SPRED2: variants seen among roughly 807,000 people sequenced by gnomAD.
SPRED2 encodes the protein sprouty related EVH1 domain containing 2, also known as sprouty-related, EVH1 domain-containing protein 2.
SPRED2 carries 47 observed loss-of-function variants against 43.0 expected under a neutral mutation model. That is an observed-to-expected ratio of 1.09 (90% CI 0.87 to 1.40). The LOEUF is 1.40. Ranked by LOEUF, SPRED2 falls within the 40% of genes most tolerant of loss-of-function variation. The pLI is 0.00. For missense variants in SPRED2, 561 were observed against 586.4 expected, an observed-to-expected ratio of 0.96 and a Z score of 0.45; for synonymous variants, 225 against 225.7, an observed-to-expected ratio of 1.00 and a Z score of 0.03.
intron 1 of SPRED2, among the ~76,000 whole-genome samples, chr2:65,396,599 T>A (rs923579506): frequency 6.6e-6 from 1 of 152,230 alleles, no homozygotes; most frequent in Non-Finnish European, 1.5e-5. Context: ...GAACCAGCAC[T>A]GTAGTATAAC....
At chr2:65,389,626 A>G (rs565360468) in intron 1 of SPRED2, among the ~76,000 whole-genome samples, 2 of 152,240 alleles carry the variant, frequency 1.3e-5, no homozygotes, top group Non-Finnish European at 2.9e-5. Flanking sequence ...CTACCTCATG[A>G]GTGAGGAATG....
intron 2 of SPRED2, among the ~76,000 whole-genome samples, chr2:65,335,821 A>T (rs1226724740): frequency 6.6e-6 from 1 of 152,210 alleles, no homozygotes; most frequent in Non-Finnish European, 1.5e-5. Flanking sequence ...TTCATTCTTT[A>T]TTCATTAAAA....
At position 65,322,295 on chromosome 2, in the gene SPRED2, T is replaced by TC. The variant is rs1491266235; in HGVS notation, c.439-5413_439-5412insG. Among the ~76,000 whole-genome samples the TC allele has an allele frequency of 9.8e-4, 44 of 44,986 alleles. 2 individuals are homozygous for TC. Among genetic ancestry groups the TC allele is most frequent in the African/African-American group, 5.0e-3 (43 of 8,676 alleles). The allele number at this position is 44,986 out of a possible 152,430, so 29.5% of individuals were successfully genotyped here. ...CTATATATATATATATATATATATA[T>TC]TTTTTTTTTTTTTTTTGAGACGGAG... On this transcript the variant is annotated intron_variant, in intron 4 of 5. Coordinates refer to ENST00000356388, the MANE Select transcript of SPRED2 (RefSeq NM_181784.3).
intron 1 of SPRED2, among the ~76,000 whole-genome samples, chr2:65,364,824 A>T (rs575230262): frequency 6.6e-6 from 1 of 152,332 alleles, no homozygotes; most frequent in Non-Finnish European, 1.5e-5. Context: ...ACAGGAAATT[A>T]GTTATTCTGT....
chr2:65,424,683 G>A (rs763384493), intron 1 of SPRED2, among the ~76,000 whole-genome samples: 5 of 152,090 alleles, frequency 3.3e-5, no homozygotes, highest in Admixed American at 6.6e-5. Flanking sequence ...GGTGCAGGTG[G>A]CTCATGCCTA....
intron 1 of SPRED2, among the ~76,000 whole-genome samples, chr2:65,369,989 T>G (rs1675085813): frequency 6.6e-6 from 1 of 152,228 alleles, no homozygotes; most frequent in Non-Finnish European, 1.5e-5. Flanking sequence ...CAGCAAAACT[T>G]TAGCTATATA....
chr2:65,364,519 C>T (rs1674917853), intron 1 of SPRED2, among the ~76,000 whole-genome samples: 1 of 152,228 alleles, frequency 6.6e-6, no homozygotes, highest in Non-Finnish European at 1.5e-5. Context: ...GCAAAGGGGC[C>T]TCTGAGGCGT....
intron 1 of SPRED2, among the ~76,000 whole-genome samples, chr2:65,361,143 T>C (rs918560677): frequency 1.3e-5 from 2 of 152,240 alleles, no homozygotes; most frequent in African/African-American, 4.8e-5. Flanking sequence ...GTCCCCATTA[T>C]GCAAACTACA....
At chr2:65,324,070 G>A (rs1019130124) in intron 4 of SPRED2, among the ~76,000 whole-genome samples, 67 of 151,590 alleles carry the variant, frequency 4.4e-4, no homozygotes, top group African/African-American at 1.5e-3. Context: ...TCCCAGAGGG[G>A]TGTGTCTGAG....
At chr2:65,310,786 C>T (rs541937452), downstream of SPRED2, 26 of 852,608 alleles carry the variant, frequency 3.0e-5, no homozygotes, top group Middle Eastern at 6.0e-4. Flanking sequence ...TGCGGGAACT[C>T]CAAGATCTGC....
intron 1 of SPRED2, among the ~76,000 whole-genome samples, chr2:65,352,426 C>T (rs1488521853): frequency 6.6e-6 from 1 of 152,198 alleles, no homozygotes; most frequent in African/African-American, 2.4e-5. Flanking sequence ...AGTAAAAGAA[C>T]CCGTGTACTT....
At chr2:65,309,505 CAAA>C (rs35507211), downstream of SPRED2, among the ~76,000 whole-genome samples, 4 of 59,992 alleles carry the variant, frequency 6.7e-5, no homozygotes, top group African/African-American at 2.1e-4. Flanking sequence ...GACCCTGTCT[CAAA>C]AAAAAAAAAA....
intron 1 of SPRED2, chr2:65,366,609 C>T (rs1388637463): frequency 5.1e-6 from 8 of 1,553,684 alleles, no homozygotes; most frequent in Admixed American, 3.9e-5. Flanking sequence ...GATGCCATTT[C>T]CTCTACATTG....
In SPRED2 at chr2:65,409,757, T is replaced by C. The variant is rs182816645; in HGVS notation, c.26+22205A>G. Reference sequence around the variant, plus strand: ...AAGACTTTCAAGAGAAATTTTAGGCTGGGCATGGTGGCTCACGCCTGTAAT... The same window carrying C: ...AAGACTTTCAAGAGAAATTTTAGGCCGGGCATGGTGGCTCACGCCTGTAAT... On this transcript the variant is annotated intron_variant, in intron 1 of 5. Transcript: ENST00000356388. Among the ~76,000 whole-genome samples, 1,284 of 149,586 alleles carry C rather than the reference T, an allele frequency of 8.6e-3. 11 individuals are homozygous for C. Among genetic ancestry groups the C allele is most frequent in the Non-Finnish European group, 0.013 (892 of 67,524 alleles).
At chr2:65,393,321 T>G (rs1367101326) in intron 1 of SPRED2, among the ~76,000 whole-genome samples, 1 of 129,770 alleles carries the variant, frequency 7.7e-6, no homozygotes, top group African/African-American at 2.9e-5. Flanking sequence ...TGATTAATCA[T>G]AAGGCTTTTT....
intron 1 of SPRED2, among the ~76,000 whole-genome samples, chr2:65,411,816 G>A (rs538627413): frequency 1.0e-3 from 152 of 152,244 alleles, no homozygotes; most frequent in Non-Finnish European, 1.9e-3. Context: ...TGAGTACTCC[G>A]TAGTTTAACA....
intron 2 of SPRED2, 147 bp downstream of exon 2, chr2:65,344,572 C>T (rs756177391): frequency 4.7e-6 from 5 of 1,068,750 alleles, no homozygotes; most frequent in East Asian, 5.2e-5. Flanking sequence ...TTGGCACCAG[C>T]TCCGGGGTTC....
intron 3 of SPRED2, 133 bp from the exon 4 acceptor site, chr2:65,332,184 C>A: frequency 1.9e-6 from 1 of 540,064 alleles, no homozygotes. Flanking sequence ...AACAAGTTAC[C>A]TGGGAATTGA....
At chr2:65,343,520 C>G (rs1674249870) in intron 2 of SPRED2, among the ~76,000 whole-genome samples, 1 of 152,150 alleles carries the variant, frequency 6.6e-6, no homozygotes, top group South Asian at 2.1e-4. Context: ...TGTAAAGGGT[C>G]TCAGATGTAA....
Sources: gnomAD v4.1 joint callset for allele counts (sites outside exome capture counted in the v4.1 genomes callset) on GRCh38, gnomAD v4.1.1 for gene constraint, MANE v1.5 for transcripts, NCBI Gene and HGNC (gene_info 2026-07-23, HGNC 2026-07-21) for gene names.